Variants in FAT1 observed in about 807,000 individuals in gnomAD.
FAT1 encodes the protein FAT atypical cadherin 1, also known as protocadherin Fat 1.
FAT1 carries 171 observed loss-of-function variants against 329.8 expected under a neutral mutation model. That is an observed-to-expected ratio of 0.52 (90% confidence interval 0.46 to 0.59). The LOEUF (loss-of-function observed/expected upper bound fraction) is 0.59. FAT1 is among the 20% of genes least tolerant of loss of function. The probability of loss-of-function intolerance (pLI) is 0.00; values close to 1 mark genes in which losing one functional copy is unlikely to be tolerated. For missense variants in FAT1, 5,672 were observed against 5,774.4 expected, an observed-to-expected ratio of 0.98 and a Z score of 0.57; for synonymous variants, 2,233 against 2,228.6, an observed-to-expected ratio of 1.00 and a Z score of -0.06.
At chr4:186,637,271 C>T (rs542723093) in intron 4 of FAT1, among the ~76,000 whole-genome samples, 5 of 152,170 alleles carry the variant, frequency 3.3e-5, no homozygotes, top group Admixed American at 6.5e-5. Flanking sequence ...GGAAGAGATA[C>T]GTGAAGATTC....
Position 186,621,019 on chromosome 4 carries a change from C to A in FAT1, c.5567G>T (p.Arg1856Leu), listed in dbSNP as rs367953057. 6.2e-7 allele frequency: 1 copy of A among 1,612,632 alleles called. No homozygotes were observed. Among genetic ancestry groups the A allele is most frequent in the East Asian group, 2.2e-5 (1 of 44,888 alleles). The change falls in exon 10 of 27, where the codon CGT becomes CTT. Residue 1856 changes from arginine (R) to leucine (L), a missense_variant. Arg to Leu is a moderately radical substitution (Grantham distance 102). Transcript: ENST00000441802. ...ATTCGCTGCATACTCAGCAAATAAA[C>A]GTGGGGTTCCCATGTCATGCACTTG... ...TVQVHDMGTP[R>L]LFAEYAANVT...
intron 3 of FAT1, among the ~76,000 whole-genome samples, chr4:186,643,678 C>T (rs1056980480): frequency 7.9e-5 from 12 of 152,236 alleles, no homozygotes; most frequent in East Asian, 1.9e-4. Flanking sequence ...CCTAACACCC[C>T]GGGGAACGCT....
At chr4:186,632,932 C>T (rs776019299) in intron 7 of FAT1, among the ~76,000 whole-genome samples, 3 of 152,160 alleles carry the variant, frequency 2.0e-5, no homozygotes, top group East Asian at 3.9e-4. Context: ...TCCAAGAGGG[C>T]AAGATTGTTG....
chr4:186,645,945 CA>C (rs773581100), intron 3 of FAT1, among the ~76,000 whole-genome samples: 3,716 of 58,034 alleles, frequency 0.064, 246 homozygotes, highest in East Asian at 0.17. Context: ...GACTGTCTCA[CA>C]AAAAAAAAAA....
At chr4:186,592,735 T>A (rs1409013577) in intron 26 of FAT1, 1 of 456,548 alleles carries the variant, frequency 2.2e-6, no homozygotes, top group Non-Finnish European at 4.4e-6. Context: ...ACAAGGTGCA[T>A]TACGGTCACT....
At chr4:186,654,189 T>C (rs1465112904) in intron 3 of FAT1, among the ~76,000 whole-genome samples, 1 of 152,098 alleles carries the variant, frequency 6.6e-6, no homozygotes, top group East Asian at 1.9e-4. Context: ...ATTTGTAAAA[T>C]GAAGAAAATG....
chr4:186,718,056 C>CTT (rs1372224715), intron 1 of FAT1, among the ~76,000 whole-genome samples: 1 of 152,166 alleles, frequency 6.6e-6, no homozygotes, highest in Non-Finnish European at 1.5e-5. Context: ...GTAAGTAAGA[C>CTT]TTTATTTTAT....
At chr4:186,598,218 G>T in intron 22 of FAT1, 93 bp from the exon 23 acceptor site, 4 of 1,224,318 alleles carry the variant, frequency 3.3e-6, no homozygotes, top group South Asian at 2.0e-5. Flanking sequence ...ATTCTCCGAG[G>T]TCTGTAAAAG....
Position 186,603,866 on chromosome 4 carries a change from A to T in FAT1, c.10660T>A (p.Ser3554Thr), listed in dbSNP as rs2637777. 8.1e-6 allele frequency: 13 copies of T among 1,613,642 alleles called. No homozygotes were observed. Among genetic ancestry groups the T allele is most frequent in the Admixed American group, 1.7e-5 (1 of 59,992 alleles). The change falls in exon 19 of 27, where the codon TCT becomes ACT. Residue 3554 changes from serine (S) to threonine (T), a missense_variant. Around this residue, in one of 2 missense-constraint regions of FAT1, gnomAD observed 1,706 missense variants for 1,859.1 expected, o/e 0.92. Coordinates refer to ENST00000441802, the MANE Select transcript of FAT1 (RefSeq NM_005245.4). ...AILPLEIFIT[S>T]SGEEYSGGVI... ...CCACCTGAGTATTCTTCTCCAGAAG[A>T]GGTGATGAAAATCTCCAGGGGCAAA... is the stretch of plus-strand genomic sequence containing the variant.
At chr4:186,726,046 C>A (rs1745707927), upstream of FAT1, among the ~76,000 whole-genome samples, 1 of 152,238 alleles carries the variant, frequency 6.6e-6, no homozygotes, top group South Asian at 2.1e-4. Flanking sequence ...AATCTCGCGG[C>A]CCCGATGCGC....
chr4:186,689,317 G>A (rs370056683), intron 2 of FAT1, among the ~76,000 whole-genome samples: 1 of 152,036 alleles, frequency 6.6e-6, no homozygotes, highest in Admixed American at 6.6e-5. Context: ...TTTAAATGAG[G>A]GAACTTCAAT....
intron 1 of FAT1, among the ~76,000 whole-genome samples, chr4:186,718,672 A>T (rs1007492110): frequency 6.6e-6 from 1 of 152,140 alleles, no homozygotes; most frequent in Non-Finnish European, 1.5e-5. Context: ...GTCTCAAAAA[A>T]ATAAAATAAA....
chr4:186,661,236 T>TCTCTCTCC (rs1491113858), intron 3 of FAT1, among the ~76,000 whole-genome samples: 1 of 152,130 alleles, frequency 6.6e-6, no homozygotes, highest in Non-Finnish European at 1.5e-5. Context: ...GGAAACAGAA[T>TCTCTCTCC]CTCTCTCCGG....
intron 2 of FAT1, among the ~76,000 whole-genome samples, chr4:186,688,692 G>T (rs1743606367): frequency 8.1e-6 from 1 of 123,994 alleles, no homozygotes; most frequent in East Asian, 2.9e-4. Context: ...AGCTGCTACA[G>T]TAGACTTTCC....
intron 1 of FAT1, among the ~76,000 whole-genome samples, chr4:186,714,067 A>C (rs1279979211): frequency 6.6e-6 from 1 of 152,222 alleles, no homozygotes; most frequent in East Asian, 1.9e-4. Context: ...AGTATGAATC[A>C]AATGAGAAGT....
In FAT1 at chr4:186,651,100, AT is replaced by A. The variant is rs1332117516; in HGVS notation, c.3581-11318del. Among the ~76,000 whole-genome samples the A allele has an allele frequency of 6.0e-4, 89 of 148,776 alleles. 1 individual carries two copies. Among genetic ancestry groups the A allele is most frequent in the Non-Finnish European group, 1.3e-4 (9 of 67,344 alleles). ...TTGATAAATTATTTGATGCTTCATTATTATTCATAAATTAATAATTAACAAA... is the reference window on the plus strand; with the variant it reads ...TTGATAAATTATTTGATGCTTCATTATATTCATAAATTAATAATTAACAAA... On this transcript the variant is annotated intron_variant, in intron 3 of 26. Coordinates refer to ENST00000441802, the MANE Select transcript of FAT1 (RefSeq NM_005245.4).
intron 2 of FAT1, among the ~76,000 whole-genome samples, chr4:186,705,912 T>A (rs1293629572): frequency 6.6e-6 from 1 of 152,192 alleles, no homozygotes; most frequent in Non-Finnish European, 1.5e-5. Flanking sequence ...AGTGTCCCCA[T>A]GTAGAAGAGG....
chr4:186,632,688 A>G (rs1254825892), intron 7 of FAT1, among the ~76,000 whole-genome samples: 2 of 152,238 alleles, frequency 1.3e-5, no homozygotes, highest in African/African-American at 4.8e-5. Context: ...GCTTTAAATT[A>G]TCTACCCATT....
At chr4:186,632,140 T>C (rs1740628869) in intron 7 of FAT1, among the ~76,000 whole-genome samples, 1 of 151,814 alleles carries the variant, frequency 6.6e-6, no homozygotes. Context: ...GAAAGAAAAC[T>C]AGAATACACT....
Sources: allele counts gnomAD v4.1 joint callset (sites outside exome capture counted in the v4.1 genomes callset), GRCh38; gene constraint gnomAD v4.1.1; regional missense constraint gnomAD v4.1.1; transcripts MANE v1.5; gene names NCBI Gene and HGNC (gene_info 2026-07-23, HGNC 2026-07-21).